Variants in NECTIN3 observed in about 807,000 individuals in gnomAD.
NECTIN3 encodes nectin-3.
NECTIN3 carries 8 observed loss-of-function variants against 49.4 expected under a neutral mutation model. The observed-to-expected ratio is 0.16, with a 90% CI of 0.10 to 0.29. The LOEUF is 0.29. NECTIN3 is among the 10% of genes least tolerant of loss of function. The pLI is 1.00. For missense variants in NECTIN3, 581 were observed against 654.6 expected, an observed-to-expected ratio of 0.89 and a Z score of 1.23; for synonymous variants, 277 against 241.1, an observed-to-expected ratio of 1.15 and a Z score of -1.38.
chr3:111,108,576 A>G (rs1054594362), intron 1 of NECTIN3, among the ~76,000 whole-genome samples: 6 of 152,106 alleles, frequency 3.9e-5, no homozygotes, highest in African/African-American at 1.4e-4. Context: ...GGAATACCTG[A>G]TACTTGGTAA....
intron 7 of NECTIN3, among the ~76,000 whole-genome samples, chr3:111,168,598 G>A (rs1053550651): frequency 6.6e-6 from 1 of 152,150 alleles, no homozygotes; most frequent in Non-Finnish European, 1.5e-5. Context: ...AATGGTTGGT[G>A]CTCAAATATT....
intron 7 of NECTIN3, among the ~76,000 whole-genome samples, chr3:111,169,375 CTTT>C (rs59239398): frequency 3.3e-4 from 38 of 114,556 alleles, no homozygotes; most frequent in African/African-American, 1.0e-3. Flanking sequence ...CAAACGCAAA[CTTT>C]TTTTTTTTTT....
rs2034470000 is a variant in NECTIN3, at chr3:111,133,640, C to A, written c.1075C>A (p.Pro359Thr). The A allele has an allele frequency of 1.2e-6, 2 of 1,612,334 alleles. No homozygotes were observed. Reference sequence around the variant, plus strand: ...ATCTTTACTGTTTCCATTAGATCCTCCTACTACTACCACCCTTCAGCCTAC... The same window carrying A: ...ATCTTTACTGTTTCCATTAGATCCTACTACTACTACCACCCTTCAGCCTAC... Reference protein sequence around the residue: ...DQKVIYISDPPTTTTLQPTIQ... With the variant: ...DQKVIYISDPTTTTTLQPTIQ... The change falls in exon 6 of 6, where the codon CCT becomes ACT. Residue 359 changes from proline to threonine, a missense_variant. Pro to Thr is a conservative substitution (Grantham distance 38, BLOSUM62 -1). This residue lies in a region of NECTIN3 where 238 missense variants were observed against 244.9 expected (regional missense o/e 0.97). Coordinates refer to ENST00000485303, the MANE Select transcript of NECTIN3 (RefSeq NM_015480.3).
chr3:111,166,801 A>T (rs569456882), intron 7 of NECTIN3, among the ~76,000 whole-genome samples: 233 of 152,372 alleles, frequency 1.5e-3, no homozygotes, highest in African/African-American at 5.4e-3. Context: ...AGCCTTAGTA[A>T]TCTTTCTGTT....
At chr3:111,153,307 A>G (rs530128380) in intron 7 of NECTIN3, among the ~76,000 whole-genome samples, 1 of 152,126 alleles carries the variant, frequency 6.6e-6, no homozygotes, top group South Asian at 2.1e-4. Flanking sequence ...ATAATGATTT[A>G]TAAACTAATT....
intron 1 of NECTIN3, among the ~76,000 whole-genome samples, chr3:111,106,904 A>G (rs2033206157): frequency 1.3e-5 from 2 of 151,990 alleles, no homozygotes; most frequent in African/African-American, 2.4e-5. Flanking sequence ...GAAATGTCCA[A>G]TATGCATGCC....
chr3:111,096,116 C>T (rs996040882), intron 1 of NECTIN3, among the ~76,000 whole-genome samples: 8 of 152,134 alleles, frequency 5.3e-5, no homozygotes, highest in Non-Finnish European at 1.0e-4. Context: ...GCCCAAAATG[C>T]TGATAATATG....
chr3:111,139,180 C>T (rs1259999915), downstream of NECTIN3, among the ~76,000 whole-genome samples: 1 of 151,518 alleles, frequency 6.6e-6, no homozygotes, highest in Non-Finnish European at 1.5e-5. Context: ...TAGAAAGTAA[C>T]CACAGTATCA....
intron 1 of NECTIN3, chr3:111,072,862 A>G (rs573571122): frequency 6.6e-6 from 2 of 301,848 alleles, no homozygotes; most frequent in Admixed American, 4.9e-5. Flanking sequence ...ACCTGATTTC[A>G]TGGACTGTGT....
Position 111,136,142 on chromosome 3 carries a change from T to G in NECTIN3, c.*1927T>G. 3.1e-6 allele frequency: 3 copies of G among 982,978 alleles called. No individual in the cohort carries two copies. The highest frequency in any genetic ancestry group is 3.6e-6 in the Non-Finnish European group (3 of 827,904). The allele number at this position is 982,978 out of a possible 1,614,324, so 60.9% of individuals were successfully genotyped here. ...CCCATGAAAGATGTAAAACTATGGCTTTTTTTAAAATCAAAATTTCATCTT... is the reference window on the plus strand; with the variant it reads ...CCCATGAAAGATGTAAAACTATGGCGTTTTTTAAAATCAAAATTTCATCTT... On this transcript the variant is annotated 3_prime_UTR_variant, in exon 6 of 6. Coordinates refer to ENST00000485303, the MANE Select transcript of NECTIN3 (RefSeq NM_015480.3).
chr3:111,156,242 C>T (rs1188521852), intron 7 of NECTIN3, among the ~76,000 whole-genome samples: 1 of 152,122 alleles, frequency 6.6e-6, no homozygotes, highest in Non-Finnish European at 1.5e-5. Flanking sequence ...TTGTTGAATA[C>T]TTAGCACACT....
At chr3:111,083,895 A>G (rs780895203) in intron 1 of NECTIN3, among the ~76,000 whole-genome samples, 3 of 152,230 alleles carry the variant, frequency 2.0e-5, no homozygotes, top group Non-Finnish European at 2.9e-5. Flanking sequence ...CTGCTCATAG[A>G]AACTGGATGT....
At chr3:111,077,550 C>A (rs2031302454) in intron 1 of NECTIN3, among the ~76,000 whole-genome samples, 1 of 150,608 alleles carries the variant, frequency 6.6e-6, no homozygotes, top group South Asian at 2.1e-4. Flanking sequence ...ACTAGGGAAT[C>A]TTTTTTGAAG....
At chr3:111,084,601 A>C (rs2031821003) in intron 1 of NECTIN3, among the ~76,000 whole-genome samples, 1 of 152,136 alleles carries the variant, frequency 6.6e-6, no homozygotes, top group East Asian at 1.9e-4. Flanking sequence ...GTTTGAGAAC[A>C]AGGGTGATGT....
At chr3:111,177,246 C>CT (rs1405859439) in intron 7 of NECTIN3, among the ~76,000 whole-genome samples, 1 of 151,954 alleles carries the variant, frequency 6.6e-6, no homozygotes, top group African/African-American at 2.4e-5. Flanking sequence ...ATACCCTTAC[C>CT]TTTTTATTCA....
At chr3:111,172,728 G>A (rs1237828996) in intron 7 of NECTIN3, among the ~76,000 whole-genome samples, 4 of 152,066 alleles carry the variant, frequency 2.6e-5, no homozygotes, top group Non-Finnish European at 4.4e-5. Flanking sequence ...TTTCCTATTG[G>A]CCTGTTTCCT....
intron 1 of NECTIN3, among the ~76,000 whole-genome samples, chr3:111,192,814 GT>G (rs1435436155): frequency 6.6e-6 from 1 of 152,160 alleles, no homozygotes; most frequent in African/African-American, 2.4e-5. Context: ...GGTTTCTTTT[GT>G]TTGGTTGGCT....
At chr3:111,190,462 C>T (rs1038767516), upstream of NECTIN3, among the ~76,000 whole-genome samples, 6 of 152,096 alleles carry the variant, frequency 3.9e-5, no homozygotes, top group Non-Finnish European at 7.4e-5. Flanking sequence ...AACAAAACAC[C>T]GTAAACTAGG....
intron 1 of NECTIN3, among the ~76,000 whole-genome samples, chr3:111,082,456 T>G (rs866820708): frequency 1.3e-5 from 2 of 151,940 alleles, no homozygotes; most frequent in Middle Eastern, 6.8e-3. Context: ...TTTTTTAGAT[T>G]GAGGTATTTT....
Sources: allele counts gnomAD v4.1 joint callset (sites outside exome capture counted in the v4.1 genomes callset), GRCh38; gene constraint gnomAD v4.1.1; regional missense constraint gnomAD v4.1.1; transcripts MANE v1.5; gene names NCBI Gene and HGNC (gene_info 2026-07-23, HGNC 2026-07-21).